The following POFUT3 variants were observed in gnomAD, a reference collection of about 807,000 sequenced individuals.
POFUT3 encodes protein O-fucosyltransferase 3, also known as GDP-fucose protein O-fucosyltransferase 3.
the POFUT3 span, among the ~76,000 whole-genome samples, chr8:33,394,639 A>T: frequency 6.6e-6 from 1 of 152,130 alleles, no homozygotes; most frequent in Non-Finnish European, 1.5e-5. Context: ...GAAACAAAAC[A>T]TGATATACAT....
the POFUT3 span, among the ~76,000 whole-genome samples, chr8:33,318,415 C>A: frequency 2.8e-5 from 4 of 145,166 alleles, no homozygotes; most frequent in Admixed American, 2.2e-4. Flanking sequence ...ATTTTATGCA[C>A]ACATACACAC....
At chr8:33,417,169 A>G in the POFUT3 span, among the ~76,000 whole-genome samples, 3 of 152,202 alleles carry the variant, frequency 2.0e-5, no homozygotes, top group African/African-American at 7.2e-5. Context: ...TGCGCATGCA[A>G]GGGATCCAGG....
At chr8:33,360,747 A>G in the POFUT3 span, 50 of 152,314 alleles carry the variant, frequency 3.3e-4, 1 homozygote, top group East Asian at 7.0e-3. Flanking sequence ...AGGCACAGAG[A>G]GCTGCATGGT....
the POFUT3 span, chr8:33,461,398 T>A: frequency 6.2e-7 from 1 of 1,612,508 alleles, no homozygotes; most frequent in African/African-American, 1.3e-5. Context: ...AGAAAGACGG[T>A]GGCTGTGACG....
the POFUT3 span, among the ~76,000 whole-genome samples, chr8:33,405,270 A>T: frequency 2.2e-4 from 34 of 151,968 alleles, no homozygotes; most frequent in Non-Finnish European, 2.4e-4. Flanking sequence ...TCCAGCCTGG[A>T]CAACAGAGCA....
the POFUT3 span, among the ~76,000 whole-genome samples, chr8:33,440,263 G>A: frequency 6.6e-6 from 1 of 152,138 alleles, no homozygotes; most frequent in African/African-American, 2.4e-5. Context: ...TCAGGAGGCT[G>A]GGGTGGGAAG....
chr8:33,464,167 C>T, the POFUT3 span, among the ~76,000 whole-genome samples: 1 of 152,084 alleles, frequency 6.6e-6, no homozygotes, highest in Non-Finnish European at 1.5e-5. Flanking sequence ...TGTATGTTAT[C>T]CTTATATTTA....
the POFUT3 span, among the ~76,000 whole-genome samples, chr8:33,455,478 T>G: frequency 6.6e-6 from 1 of 152,114 alleles, no homozygotes. Context: ...GCGGTATGAT[T>G]GCACCACTGT....
chr8:33,380,087 C>CTA, the POFUT3 span, among the ~76,000 whole-genome samples: 3 of 52,988 alleles, frequency 5.7e-5, no homozygotes, highest in African/African-American at 2.0e-4. Flanking sequence ...ACTATATATA[C>CTA]TATATATATA....
chr8:33,374,626 T>C, the POFUT3 span, among the ~76,000 whole-genome samples: 7 of 152,260 alleles, frequency 4.6e-5, no homozygotes, highest in African/African-American at 1.7e-4. Flanking sequence ...GAATTTCTTA[T>C]TGGTGACAAA....
At chr8:33,418,106 C>A in the POFUT3 span, among the ~76,000 whole-genome samples, 29 of 152,256 alleles carry the variant, frequency 1.9e-4, no homozygotes, top group African/African-American at 7.0e-4. Flanking sequence ...CCCCCAGCCC[C>A]CAGCAGACTG....
chr8:33,425,844 T>C, the POFUT3 span, among the ~76,000 whole-genome samples: 1 of 149,766 alleles, frequency 6.7e-6, no homozygotes, highest in Admixed American at 6.7e-5. Flanking sequence ...AAGAATCACT[T>C]GAATGCAGGA....
the POFUT3 span, among the ~76,000 whole-genome samples, chr8:33,312,545 T>TGAG: frequency 6.6e-6 from 1 of 152,064 alleles, no homozygotes; most frequent in East Asian, 1.9e-4. Context: ...ACAACTTACA[T>TGAG]GAGATTTTAT....
chr8:33,318,559 A>AT, the POFUT3 span, among the ~76,000 whole-genome samples: 1,933 of 88,404 alleles, frequency 0.022, 203 homozygotes, highest in East Asian at 0.057. Context: ...ATATAAATAT[A>AT]TATATAATAT....
the POFUT3 span, among the ~76,000 whole-genome samples, chr8:33,368,398 C>T: frequency 6.6e-6 from 1 of 152,092 alleles, no homozygotes; most frequent in East Asian, 1.9e-4. Context: ...TGGTTTAATC[C>T]CAGGATATAG....
At chr8:33,468,254 AAAAG>A in the POFUT3 span, among the ~76,000 whole-genome samples, 9,382 of 127,080 alleles carry the variant, frequency 0.074, 536 homozygotes, top group African/African-American at 0.18. Flanking sequence ...AAAAAAAAAA[AAAAG>A]AAGAAGAAGA....
the POFUT3 span, among the ~76,000 whole-genome samples, chr8:33,423,427 C>T: frequency 1.3e-5 from 2 of 151,882 alleles, no homozygotes; most frequent in African/African-American, 2.4e-5. Flanking sequence ...TGCCACTATG[C>T]CCAGCTAATA....
the POFUT3 span, among the ~76,000 whole-genome samples, chr8:33,472,004 T>G: frequency 6.6e-6 from 1 of 152,174 alleles, no homozygotes. Flanking sequence ...GCTTATTCAA[T>G]GCGAGAAAGG....
At chr8:33,411,364 G>A in the POFUT3 span, among the ~76,000 whole-genome samples, 187 of 152,328 alleles carry the variant, frequency 1.2e-3, 1 homozygote, top group African/African-American at 4.5e-3. Flanking sequence ...CTCCCTAGCA[G>A]ACCTGCTGAA....
Sources: gnomAD v4.1 joint callset for allele counts (sites outside exome capture counted in the v4.1 genomes callset) on GRCh38, gnomAD v4.1.1 for gene constraint, MANE v1.5 for transcripts, NCBI Gene and HGNC (gene_info 2026-07-23, HGNC 2026-07-21) for gene names.